The following TINAG variants were observed in gnomAD, a reference collection of about 807,000 sequenced individuals.
The protein encoded by TINAG is tubulointerstitial nephritis antigen.
Under a neutral mutation model 72.7 loss-of-function variants are expected in TINAG, and 83 were observed. The observed-to-expected ratio is 1.14, with a 90% CI of 0.96 to 1.37. The LOEUF (loss-of-function observed/expected upper bound fraction) is 1.37. Among genes scored for constraint, TINAG ranks in the 40% most tolerant of loss-of-function variants. The probability of loss-of-function intolerance (pLI) is 0.00; values close to 1 mark genes in which losing one functional copy is unlikely to be tolerated. For missense variants in TINAG, 685 were observed against 576.6 expected (o/e 1.19, Z -1.93); for synonymous variants, 234 against 189.9 (o/e 1.23, Z -1.91).
intron 9 of TINAG, among the ~76,000 whole-genome samples, chr6:54,363,100 G>T (rs1006494401): frequency 9.2e-5 from 14 of 151,554 alleles, no homozygotes; most frequent in Admixed American, 2.0e-4. Flanking sequence ...GGAGCAACTT[G>T]TGTGAAGTCC....
Position 54,326,871 on chromosome 6 carries a change from C to T in TINAG, c.579C>T (p.Gly193=), listed in dbSNP as rs777457619. The T allele has an allele frequency of 3.1e-6, 5 of 1,613,034 alleles. No homozygotes were observed. Among genetic ancestry groups the T allele is most frequent in the Non-Finnish European group, 3.4e-6 (4 of 1,179,766 alleles). ...AAGATGGTTTTAAATTTCGCCTTGG[C>T]ACTTTGCCACCTAGTCCCATGCTCC... ...TLEDGFKFRL[G]TLPPSPMLLS... is the part of the protein sequence containing the mutation. The change falls in exon 4 of 11, where the codon GGC becomes GGT. Residue 193 remains glycine (G), a synonymous_variant. Coordinates refer to ENST00000259782, the MANE Select transcript of TINAG (RefSeq NM_014464.4).
chr6:54,322,230 C>T (rs1021441135), intron 3 of TINAG, among the ~76,000 whole-genome samples: 5 of 152,056 alleles, frequency 3.3e-5, no homozygotes, highest in African/African-American at 1.2e-4. Context: ...ACCACTGAAG[C>T]CTGGGAGGCG....
intron 4 of TINAG, among the ~76,000 whole-genome samples, chr6:54,336,971 T>G (rs1199936346): frequency 6.6e-6 from 1 of 152,114 alleles, no homozygotes; most frequent in South Asian, 2.1e-4. Context: ...ATGTTATACT[T>G]TCTATAGTAT....
chr6:54,360,660 G>A (rs1395727224), intron 9 of TINAG, among the ~76,000 whole-genome samples: 6 of 151,198 alleles, frequency 4.0e-5, no homozygotes, highest in Non-Finnish European at 7.4e-5. Context: ...AGGAATTAGT[G>A]CAATAACTTA....
rs758812532 is a variant in TINAG at position 54,326,928 on chromosome 6, T to C, written c.624+12T>C. The C allele has an allele frequency of 6.2e-7, 1 of 1,613,132 alleles. No individual in the cohort carries two copies. Among genetic ancestry groups the C allele is most frequent in the African/African-American group, 1.3e-5 (1 of 74,886 alleles). On this transcript the variant is annotated intron_variant, in intron 4 of 10. Transcript: ENST00000259782. ...TGAATGAAATGACAGTAAGTGTTCCTTCTGATTCACGTATGTGCATGTATT... is the reference window on the plus strand; with the variant it reads ...TGAATGAAATGACAGTAAGTGTTCCCTCTGATTCACGTATGTGCATGTATT...
rs1449423485 is a variant in TINAG, at chr6:54,308,519, G to A, written c.-32G>A. 5 of 1,565,504 alleles carry A rather than the reference G, an allele frequency of 3.2e-6. No individual in the cohort carries two copies. The highest frequency in any genetic ancestry group is 1.4e-5 in the African/African-American group (1 of 73,132). Reference sequence around the variant, plus strand: ...CAAGGCTAAGGGTATTGGATATAACGGAAAGTGGAAGCTATACCTGACTTC... The same window carrying A: ...CAAGGCTAAGGGTATTGGATATAACAGAAAGTGGAAGCTATACCTGACTTC... On this transcript the variant is annotated 5_prime_UTR_variant, in exon 1 of 11. Transcript: ENST00000259782.
intron 9 of TINAG, chr6:54,369,867 T>C (rs1038839214): frequency 1.3e-5 from 2 of 152,022 alleles, no homozygotes; most frequent in South Asian, 2.1e-4. Flanking sequence ...CAAATAGCTT[T>C]AGGTCCAGAT....
chr6:54,346,403 A>G (rs1280081568), intron 5 of TINAG, among the ~76,000 whole-genome samples: 1 of 151,790 alleles, frequency 6.6e-6, no homozygotes, highest in East Asian at 1.9e-4. Flanking sequence ...TTTTAATAAT[A>G]AAAAGTTTGT....
intron 10 of TINAG, among the ~76,000 whole-genome samples, chr6:54,388,611 A>G (rs1186933796): frequency 2.0e-5 from 3 of 151,928 alleles, no homozygotes; most frequent in Non-Finnish European, 4.4e-5. Flanking sequence ...TGAAGCTGCT[A>G]ATTTATTGGG....
At chr6:54,360,686 C>T (rs769997946) in intron 9 of TINAG, among the ~76,000 whole-genome samples, 4 of 151,404 alleles carry the variant, frequency 2.6e-5, no homozygotes, top group Non-Finnish European at 5.9e-5. Flanking sequence ...ATAAATTCAA[C>T]AGTAACATTT....
At chr6:54,308,121 T>A, upstream of TINAG, 1 of 1,549,684 alleles carries the variant, frequency 6.5e-7, no homozygotes, top group South Asian at 1.2e-5. Context: ...AATTGCATTT[T>A]TGACTTTTGA....
chr6:54,375,787 G>T (rs1035176479), intron 9 of TINAG, among the ~76,000 whole-genome samples: 1 of 152,128 alleles, frequency 6.6e-6, no homozygotes, highest in Non-Finnish European at 1.5e-5. Flanking sequence ...TTTCTTGCTT[G>T]AATTGCAACA....
chr6:54,326,892 G>C lies in TINAG; in HGVS notation c.600G>C (p.Met200Ile). Reference sequence around the variant, plus strand: ...TTGGCACTTTGCCACCTAGTCCCATGCTCCTGAGCATGAATGAAATGACAG... The same window carrying C: ...TTGGCACTTTGCCACCTAGTCCCATCCTCCTGAGCATGAATGAAATGACAG... ...FRLGTLPPSP[M>I]LLSMNEMTAS... is the part of the protein sequence containing the mutation. The change falls in exon 4 of 11, where the codon ATG (methionine) becomes ATC (isoleucine). Residue 200 changes from methionine to isoleucine, a missense_variant. Transcript: ENST00000259782. 6.2e-7 allele frequency: 1 copy of C among 1,612,500 alleles called. No individual in the cohort carries two copies.
At chr6:54,310,076 C>CGTGTTTGTGT (rs1784204258) in intron 1 of TINAG, among the ~76,000 whole-genome samples, 1 of 127,650 alleles carries the variant, frequency 7.8e-6, no homozygotes, top group Non-Finnish European at 1.6e-5. Context: ...CTTTTTTTTC[C>CGTGTTTGTGT]GTGTGTGTGT....
intron 1 of TINAG, among the ~76,000 whole-genome samples, chr6:54,311,922 G>A (rs1262601099): frequency 6.6e-6 from 1 of 152,148 alleles, no homozygotes; most frequent in Non-Finnish European, 1.5e-5. Flanking sequence ...TCTCATCAAA[G>A]AGTATAGGAT....
chr6:54,335,701 A>G (rs1784849011), intron 4 of TINAG, among the ~76,000 whole-genome samples: 2 of 152,176 alleles, frequency 1.3e-5, no homozygotes, highest in Admixed American at 1.3e-4. Context: ...AAAACCCAAT[A>G]TGTGATATCA....
chr6:54,330,099 C>G (rs1784701952), intron 4 of TINAG, among the ~76,000 whole-genome samples: 2 of 152,194 alleles, frequency 1.3e-5, no homozygotes, highest in Non-Finnish European at 1.5e-5. Context: ...AGGACTTGAA[C>G]TCAGTTGTGG....
intron 9 of TINAG, among the ~76,000 whole-genome samples, chr6:54,375,658 A>C (rs1329990559): frequency 2.6e-5 from 4 of 152,146 alleles, no homozygotes; most frequent in African/African-American, 9.7e-5. Flanking sequence ...CTGGCTCAAC[A>C]AATATCTATT....
chr6:54,360,841 GTTTTTTTTTTTTTTTTTT>G (rs70983415), intron 9 of TINAG, among the ~76,000 whole-genome samples: 3,360 of 26,440 alleles, frequency 0.13, 304 homozygotes, highest in African/African-American at 0.32. Flanking sequence ...CAGATACTGT[GTTTTTTTTTTTTTTTTTT>G]TTTTTTTTTT....
Sources: allele counts gnomAD v4.1 joint callset (sites outside exome capture counted in the v4.1 genomes callset), GRCh38; gene constraint gnomAD v4.1.1; transcripts MANE v1.5; gene names NCBI Gene and HGNC (gene_info 2026-07-23, HGNC 2026-07-21).